ARNT: variants seen among roughly 807,000 people sequenced by gnomAD.
ARNT encodes aryl hydrocarbon receptor nuclear translocator.
A neutral mutation model predicts 105.0 loss-of-function variants in ARNT; 30 were observed. The ratio of observed to expected loss-of-function variants is 0.29; its 90% confidence interval spans 0.21 to 0.39. ARNT has a LOEUF of 0.39. Among genes scored for constraint, ARNT ranks in the 10% least tolerant of loss-of-function variants. The probability of loss-of-function intolerance (pLI) is 1.00; values close to 1 mark genes in which losing one functional copy is unlikely to be tolerated. For missense variants in ARNT, 748 were observed against 978.7 expected, an observed-to-expected ratio of 0.76 and a Z score of 3.15; for synonymous variants, 304 against 344.0, an observed-to-expected ratio of 0.88 and a Z score of 1.29.
In ARNT at chr1:150,811,309, T is replaced by C. The variant is rs1654669397; in HGVS notation, c.*712A>G. 2 of 233,662 alleles carry C rather than the reference T, an allele frequency of 8.6e-6. No homozygotes were observed. Among genetic ancestry groups the C allele is most frequent in the Non-Finnish European group, 1.7e-5 (2 of 118,000 alleles). 14.5% of individuals were successfully genotyped at this position (233,662 alleles called of 1,614,324 possible). On this transcript the variant is annotated 3_prime_UTR_variant, in exon 22 of 22. Coordinates refer to ENST00000358595, the MANE Select transcript of ARNT (RefSeq NM_001668.4). ...GCAAAGACGTTTATTTAAATATTCT[T>C]TGGCTGCAATACTAAGTGGAAAATA...
rs751191329 is a variant in ARNT at position 150,817,065 on chromosome 1, A to G, written c.1699+17T>C. ...ATCTAAATGAGAATTTAAAAGGATA[A>G]TGAGAAAGAAACATACCCGCATTGA... On this transcript the variant is annotated intron_variant, in intron 17 of 21. Transcript: ENST00000358595. 3 of 1,614,020 alleles carry G rather than the reference A, an allele frequency of 1.9e-6. No individual in the cohort carries two copies. The highest frequency in any genetic ancestry group is 2.5e-6 in the Non-Finnish European group (3 of 1,179,962).
chr1:150,862,329 G>A (rs587698039), intron 1 of ARNT, among the ~76,000 whole-genome samples: 5 of 152,158 alleles, frequency 3.3e-5, no homozygotes, highest in Non-Finnish European at 2.9e-5. Context: ...CCCATTACCT[G>A]CCAAGGAGGT....
intron 13 of ARNT, 93 bp from the exon 14 acceptor site, chr1:150,823,438 C>T (rs1288859678): frequency 1.6e-6 from 2 of 1,260,874 alleles, no homozygotes; most frequent in Non-Finnish European, 2.2e-6. Flanking sequence ...CCCTAAAACT[C>T]TTGTCATTGT....
chr1:150,858,244 G>A (rs587655378), intron 2 of ARNT, 105 bp downstream of exon 2: 1 of 792,862 alleles, frequency 1.3e-6, no homozygotes, highest in Non-Finnish European at 2.1e-6. Flanking sequence ...TCAAGTTGAA[G>A]TGAGATGGTC....
At chr1:150,872,780 T>C (rs983993848) in intron 1 of ARNT, among the ~76,000 whole-genome samples, 9 of 151,972 alleles carry the variant, frequency 5.9e-5, no homozygotes, top group African/African-American at 9.7e-5. Context: ...CTGGGCAACA[T>C]AGCAAGACCC....
chr1:150,843,011 C>A (rs1661553914), intron 4 of ARNT, among the ~76,000 whole-genome samples: 1 of 152,186 alleles, frequency 6.6e-6, no homozygotes, highest in African/African-American at 2.4e-5. Context: ...CCCTCTCACA[C>A]AAACAACACA....
At chr1:150,818,750 A>G (rs920444790) in intron 14 of ARNT, among the ~76,000 whole-genome samples, 1 of 53,302 alleles carries the variant, frequency 1.9e-5, no homozygotes, top group African/African-American at 7.1e-5. Flanking sequence ...CACTGTCTCA[A>G]TGAAACAAAC....
chr1:150,838,507 C>T (rs587649409), intron 6 of ARNT, among the ~76,000 whole-genome samples: 1 of 152,296 alleles, frequency 6.6e-6, no homozygotes, highest in South Asian at 2.1e-4. Context: ...TTAACTATTT[C>T]AATGTATATA....
rs1654624207 is a variant in ARNT, at chr1:150,811,037, T to C, written c.*984A>G. ...AGAAATAACCTCTACAGAACACACA[T>C]CATATGTGATTCTGACAGAAAAATG... On this transcript the variant is annotated 3_prime_UTR_variant, in exon 22 of 22. Coordinates refer to ENST00000358595, the MANE Select transcript of ARNT (RefSeq NM_001668.4). 1 of 231,266 alleles carries C rather than the reference T, an allele frequency of 4.3e-6. No homozygotes were observed. The allele number at this position is 231,266 out of a possible 1,614,324, so 14.3% of individuals were successfully genotyped here. A position where few individuals can be genotyped will look rare whatever the true frequency, so the allele number is the denominator to read the frequency against.
rs1571146564 is a variant in ARNT at position 150,811,707 on chromosome 1, C to T, written c.*314G>A. 6 of 252,284 alleles carry T rather than the reference C, an allele frequency of 2.4e-5. No homozygotes were observed. Among genetic ancestry groups the T allele is most frequent in the South Asian group, 3.5e-4 (2 of 5,722 alleles). The allele number at this position is 252,284 out of a possible 1,614,324, so 15.6% of individuals were successfully genotyped here. A position where few individuals can be genotyped will look rare whatever the true frequency, so the allele number is the denominator to read the frequency against. ...ACAGTGGATGTCAGGTTCTTCTAAC[C>T]TGCCTCTTGATCTCAGCACAAATCA... On this transcript the variant is annotated 3_prime_UTR_variant, in exon 22 of 22. Transcript: ENST00000358595.
At position 150,811,823 on chromosome 1, in the gene ARNT, GATTC is replaced by G. The variant is rs1654786980; in HGVS notation, c.*194_*197del. On this transcript the variant is annotated 3_prime_UTR_variant, in exon 22 of 22. Coordinates refer to ENST00000358595, the MANE Select transcript of ARNT (RefSeq NM_001668.4). ...TTCAGACAGTCCTAAAAGCCTTGGA[GATTC>G]ATTCCATTTCTTCTATAAATGTTAC... The G allele has an allele frequency of 2.6e-6, 1 of 388,086 alleles. No individual in the cohort carries two copies. The highest frequency in any genetic ancestry group is 4.6e-6 in the Non-Finnish European group (1 of 219,008). 24.0% of individuals were successfully genotyped at this position (388,086 alleles called of 1,614,324 possible).
At chr1:150,849,779 A>G (rs1488770104) in intron 3 of ARNT, among the ~76,000 whole-genome samples, 1 of 152,072 alleles carries the variant, frequency 6.6e-6, no homozygotes, top group African/African-American at 2.4e-5. Context: ...ATAAGAAGAA[A>G]ATAGGCTGGA....
chr1:150,860,145 A>G (rs587600249), intron 1 of ARNT, among the ~76,000 whole-genome samples: 128 of 151,608 alleles, frequency 8.4e-4, no homozygotes, highest in African/African-American at 2.6e-3. Context: ...TGTATAGTGT[A>G]CAATATTTTG....
intron 1 of ARNT, among the ~76,000 whole-genome samples, chr1:150,858,837 G>A (rs1665098944): frequency 6.7e-6 from 1 of 149,922 alleles, no homozygotes; most frequent in African/African-American, 2.5e-5. Context: ...TGCCCAGGCT[G>A]GTCTTGAACG....
Position 150,813,072 on chromosome 1 carries a change from C to G in ARNT, c.2280+100G>C, listed in dbSNP as rs1027444624. 2.2e-6 allele frequency: 3 copies of G among 1,369,346 alleles called. No individual in the cohort carries two copies. The African/African-American group carries it at 4.3e-5, about 20-fold the overall frequency. The allele number at this position is 1,369,346 out of a possible 1,614,324, so 84.8% of individuals were successfully genotyped here. A position where few individuals can be genotyped will look rare whatever the true frequency, so the allele number is the denominator to read the frequency against. Reference sequence around the variant, plus strand: ...CTGTCTTCTCACATATACCCCCAACCAAACACCTCAATCCAGGCATGCTTC... The same window carrying G: ...CTGTCTTCTCACATATACCCCCAACGAAACACCTCAATCCAGGCATGCTTC... On this transcript the variant is annotated intron_variant, in intron 21 of 21. Transcript: ENST00000358595.
intron 5 of ARNT, among the ~76,000 whole-genome samples, chr1:150,841,571 G>C (rs1661310736): frequency 6.6e-6 from 1 of 151,950 alleles, no homozygotes; most frequent in Non-Finnish European, 1.5e-5. Flanking sequence ...GGGGAATATA[G>C]TAAAAATGGG....
At chr1:150,864,117 G>GA (rs1666132298) in intron 1 of ARNT, among the ~76,000 whole-genome samples, 2 of 152,026 alleles carry the variant, frequency 1.3e-5, no homozygotes, top group African/African-American at 4.8e-5. Flanking sequence ...TTACTATACT[G>GA]AATACTGTAG....
At chr1:150,849,087 C>T (rs1662815051) in intron 3 of ARNT, among the ~76,000 whole-genome samples, 1 of 151,988 alleles carries the variant, frequency 6.6e-6, no homozygotes. Context: ...CCTGTAATCC[C>T]AGCTACTCGG....
intron 19 of ARNT, among the ~76,000 whole-genome samples, chr1:150,814,651 G>C (rs1404832300): frequency 6.6e-6 from 1 of 152,066 alleles, no homozygotes; most frequent in Non-Finnish European, 1.5e-5. Flanking sequence ...AGACCAGCCG[G>C]GCCAACATGG....
Sources: allele counts gnomAD v4.1 joint callset (sites outside exome capture counted in the v4.1 genomes callset), GRCh38; gene constraint gnomAD v4.1.1; transcripts MANE v1.5; gene names NCBI Gene and HGNC (gene_info 2026-07-23, HGNC 2026-07-21).